Variants in ST6GALNAC3 observed in about 807,000 individuals in gnomAD.
ST6GALNAC3 encodes alpha-N-acetylgalactosaminide alpha-2,6-sialyltransferase 3.
ST6GALNAC3 carries 25 observed loss-of-function variants against 32.7 expected under a neutral mutation model. That is an observed-to-expected ratio of 0.76 (90% CI 0.56 to 1.07). The LOEUF is 1.07. Among genes scored for constraint, ST6GALNAC3 ranks in the 50% least tolerant of loss-of-function variants. The probability of loss-of-function intolerance (pLI) is 0.00; values close to 1 mark genes in which losing one functional copy is unlikely to be tolerated. For missense variants in ST6GALNAC3, 355 were observed against 382.4 expected, an observed-to-expected ratio of 0.93 and a Z score of 0.60; for synonymous variants, 129 against 133.1, an observed-to-expected ratio of 0.97 and a Z score of 0.21.
chr1:76,117,968 G>A (rs1464341959), intron 1 of ST6GALNAC3, among the ~76,000 whole-genome samples: 1 of 152,174 alleles, frequency 6.6e-6, no homozygotes, highest in African/African-American at 2.4e-5. Context: ...ATAAGACACA[G>A]TAAGTTCTTT....
intron 3 of ST6GALNAC3, among the ~76,000 whole-genome samples, chr1:76,448,894 G>A (rs1428398616): frequency 6.6e-6 from 1 of 152,160 alleles, no homozygotes; most frequent in Admixed American, 6.5e-5. Flanking sequence ...TTGGAGTGCA[G>A]TGGTGCAATC....
intron 1 of ST6GALNAC3, among the ~76,000 whole-genome samples, chr1:76,107,630 AGT>A (rs1217681033): frequency 6.6e-6 from 1 of 152,094 alleles, no homozygotes; most frequent in African/African-American, 2.4e-5. Flanking sequence ...CTTATTAATC[AGT>A]GTGAGCTTTT....
chr1:76,171,088 GGTGTGTGTGTGTGT>G lies in ST6GALNAC3; in HGVS notation c.18+96224_18+96237del, dbSNP rs71071988. Among the ~76,000 whole-genome samples the G allele has an allele frequency of 7.4e-5, 11 of 149,408 alleles. No individual in the cohort carries two copies. In the East Asian group the frequency reaches 7.9e-4, roughly 11 times the overall value. On this transcript the variant is annotated intron_variant, in intron 1 of 4. Transcript: ENST00000328299. ...AACTGAACAGTTATTCATTGAGAGG[GGTGTGTGTGTGTGT>G]GTGTGTGTGTGTGTGTGTGCTGAAG...
intron 1 of ST6GALNAC3, among the ~76,000 whole-genome samples, chr1:76,076,714 C>A (rs1313944497): frequency 2.0e-5 from 3 of 152,132 alleles, no homozygotes; most frequent in Non-Finnish European, 4.4e-5. Flanking sequence ...TTTCTTATAA[C>A]TATTATTTTT....
intron 2 of ST6GALNAC3, among the ~76,000 whole-genome samples, chr1:76,340,074 C>A (rs555541331): frequency 2.0e-5 from 3 of 152,202 alleles, no homozygotes; most frequent in Non-Finnish European, 4.4e-5. Flanking sequence ...AATTACCTCA[C>A]AAGGCTGGTA....
intron 1 of ST6GALNAC3, among the ~76,000 whole-genome samples, chr1:76,300,324 G>A (rs1359615374): frequency 2.6e-5 from 4 of 151,952 alleles, no homozygotes; most frequent in African/African-American, 9.7e-5. Context: ...ATAAGAAATG[G>A]ATGTGGGCCA....
In ST6GALNAC3 at chr1:76,582,380, A is replaced by T. The variant is rs75982431; in HGVS notation, c.624-45072A>T. On this transcript the variant is annotated intron_variant, in intron 3 of 4. Coordinates refer to ENST00000328299, the MANE Select transcript of ST6GALNAC3 (RefSeq NM_152996.4). ...AGAGCATCTGAAAAGCAAGCATTCC[A>T]AGAAATCAGGTGGACATCGGATAGA... Among the ~76,000 whole-genome samples the T allele has an allele frequency of 4.4e-4, 67 of 152,298 alleles. No individual in the cohort carries two copies. The Middle Eastern group carries it at 0.01, about 23-fold the overall frequency.
intron 1 of ST6GALNAC3, among the ~76,000 whole-genome samples, chr1:76,286,928 C>G (rs138826797): frequency 1.3e-5 from 2 of 152,308 alleles, no homozygotes; most frequent in East Asian, 1.9e-4. Context: ...AAGATACACA[C>G]CATTTAAAAT....
At chr1:76,465,963 G>A (rs769497229) in intron 3 of ST6GALNAC3, among the ~76,000 whole-genome samples, 16 of 151,944 alleles carry the variant, frequency 1.1e-4, no homozygotes, top group South Asian at 4.1e-4. Context: ...ATTTTTCATC[G>A]CAAGTTAAAT....
chr1:76,285,018 A>C (rs927651817), intron 1 of ST6GALNAC3, among the ~76,000 whole-genome samples: 6 of 152,136 alleles, frequency 3.9e-5, no homozygotes, highest in African/African-American at 1.4e-4. Flanking sequence ...TCAGCTTAAG[A>C]GAGGTAGGAA....
At chr1:76,494,429 G>GTATATATA (rs60378565) in intron 3 of ST6GALNAC3, among the ~76,000 whole-genome samples, 21 of 53,430 alleles carry the variant, frequency 3.9e-4, no homozygotes, top group East Asian at 7.3e-4. Flanking sequence ...GTGTGCATGT[G>GTATATATA]TATATATATA....
chr1:76,365,970 G>C (rs927230125), intron 2 of ST6GALNAC3, among the ~76,000 whole-genome samples: 1 of 152,146 alleles, frequency 6.6e-6, no homozygotes, highest in Non-Finnish European at 1.5e-5. Flanking sequence ...TATGTGTTAG[G>C]TGTGAAGATA....
At chr1:76,572,819 T>G (rs1337774698) in intron 3 of ST6GALNAC3, among the ~76,000 whole-genome samples, 2 of 152,118 alleles carry the variant, frequency 1.3e-5, no homozygotes, top group African/African-American at 4.8e-5. Flanking sequence ...CTAAGAAATT[T>G]TTCAGCTTGT....
At chr1:76,136,325 G>A (rs867500404) in intron 1 of ST6GALNAC3, among the ~76,000 whole-genome samples, 1 of 152,196 alleles carries the variant, frequency 6.6e-6, no homozygotes. Context: ...GTTCTTTGAT[G>A]TACAGCTTAC....
chr1:76,183,632 T>C (rs1222564971), intron 1 of ST6GALNAC3, among the ~76,000 whole-genome samples: 1 of 151,806 alleles, frequency 6.6e-6, no homozygotes, highest in Non-Finnish European at 1.5e-5. Context: ...GCCTACTACA[T>C]CATACCTAGG....
At chr1:76,130,164 A>G (rs1378888621) in intron 1 of ST6GALNAC3, among the ~76,000 whole-genome samples, 1 of 152,174 alleles carries the variant, frequency 6.6e-6, no homozygotes, top group East Asian at 1.9e-4. Context: ...AGATTTGCCT[A>G]TTTCATGCAG....
intron 2 of ST6GALNAC3, among the ~76,000 whole-genome samples, chr1:76,345,331 A>C (rs1648413410): frequency 6.6e-6 from 1 of 152,154 alleles, no homozygotes; most frequent in Admixed American, 6.5e-5. Context: ...GAAAAGAGAA[A>C]TCAAGGCTGC....
chr1:76,324,504 A>G (rs1201528573), intron 2 of ST6GALNAC3, among the ~76,000 whole-genome samples: 1 of 152,226 alleles, frequency 6.6e-6, no homozygotes, highest in East Asian at 1.9e-4. Flanking sequence ...CCCAAATCCC[A>G]TAAGCCTGTT....
intron 3 of ST6GALNAC3, among the ~76,000 whole-genome samples, chr1:76,468,980 G>GT (rs1260405378): frequency 2.6e-5 from 4 of 151,966 alleles, no homozygotes; most frequent in African/African-American, 4.8e-5. Flanking sequence ...GGACTCATTT[G>GT]TTTTTTCTCC....
Sources: allele counts gnomAD v4.1 joint callset (sites outside exome capture counted in the v4.1 genomes callset), GRCh38; gene constraint gnomAD v4.1.1; transcripts MANE v1.5; gene names NCBI Gene and HGNC (gene_info 2026-07-23, HGNC 2026-07-21).